AUTS2: variants seen among roughly 807,000 people sequenced by gnomAD.
AUTS2 encodes activator of transcription and developmental regulator AUTS2, also known as autism susceptibility gene 2 protein.
AUTS2 carries 17 observed loss-of-function variants against 112.4 expected under a neutral mutation model. The observed-to-expected ratio is 0.15, with a 90% CI of 0.10 to 0.23. The LOEUF is 0.23. AUTS2 is among the 10% of genes least tolerant of loss of function. The probability of loss-of-function intolerance (pLI) is 1.00; values close to 1 mark genes in which losing one functional copy is unlikely to be tolerated. For synonymous variants in AUTS2, 751 were observed against 702.7 expected, an observed-to-expected ratio of 1.07 and a Z score of -1.09; for missense variants, 1,510 against 1,701.6, an observed-to-expected ratio of 0.89 and a Z score of 1.98.
chr7:70,476,666 A>G (rs1797596148), intron 5 of AUTS2, among the ~76,000 whole-genome samples: 1 of 152,238 alleles, frequency 6.6e-6, no homozygotes, highest in Non-Finnish European at 1.5e-5. Context: ...CTTTAGTAAC[A>G]AACAGGGGTT....
At chr7:69,622,298 G>C (rs1159391074) in intron 1 of AUTS2, among the ~76,000 whole-genome samples, 4 of 152,130 alleles carry the variant, frequency 2.6e-5, no homozygotes, top group Non-Finnish European at 5.9e-5. Context: ...ATGCCTGAGA[G>C]CAAAATTCAG....
At chr7:70,517,053 G>A (rs1347666662) in intron 5 of AUTS2, among the ~76,000 whole-genome samples, 3 of 152,154 alleles carry the variant, frequency 2.0e-5, no homozygotes, top group Admixed American at 2.0e-4. Context: ...GTAGTAAGAA[G>A]TAGAGATATG....
intron 2 of AUTS2, among the ~76,000 whole-genome samples, chr7:69,967,285 G>A (rs1248738690): frequency 1.3e-5 from 2 of 150,708 alleles, no homozygotes; most frequent in African/African-American, 4.9e-5. Flanking sequence ...TGGGAGTAGG[G>A]GTCAGAGGAG....
intron 2 of AUTS2, among the ~76,000 whole-genome samples, chr7:70,095,697 T>G (rs764046448): frequency 2.6e-5 from 4 of 152,210 alleles, no homozygotes; most frequent in Non-Finnish European, 5.9e-5. Flanking sequence ...CTTAAAATTT[T>G]TATATTGCCT....
At chr7:69,955,389 C>T (rs1797173829) in intron 2 of AUTS2, among the ~76,000 whole-genome samples, 1 of 152,170 alleles carries the variant, frequency 6.6e-6, no homozygotes, top group Admixed American at 6.5e-5. Context: ...TTCTCTACTT[C>T]TCCAGTTTAA....
intron 1 of AUTS2, among the ~76,000 whole-genome samples, chr7:69,636,020 C>T (rs960182536): frequency 2.6e-5 from 4 of 152,200 alleles, no homozygotes; most frequent in African/African-American, 9.7e-5. Context: ...GACAGCCAAA[C>T]AATTTGCATT....
At chr7:70,698,368 T>A (rs1037004842) in intron 5 of AUTS2, among the ~76,000 whole-genome samples, 1 of 150,494 alleles carries the variant, frequency 6.6e-6, no homozygotes, top group Non-Finnish European at 1.5e-5. Context: ...TCAGATTTTT[T>A]TCCCCCCAGC....
At chr7:69,999,773 A>G (rs1799104173) in intron 2 of AUTS2, among the ~76,000 whole-genome samples, 1 of 152,200 alleles carries the variant, frequency 6.6e-6, no homozygotes, top group Non-Finnish European at 1.5e-5. Context: ...AAGAACGAAA[A>G]AAAGAAAAGA....
intron 5 of AUTS2, chr7:70,693,968 G>C (rs1295933403): frequency 6.6e-6 from 1 of 151,918 alleles, no homozygotes; most frequent in Non-Finnish European, 1.5e-5. Flanking sequence ...GGGGCGGCGA[G>C]GGGCGGGGCG....
intron 1 of AUTS2, among the ~76,000 whole-genome samples, chr7:69,876,349 A>AATATAT (rs61416382): frequency 0.026 from 776 of 29,470 alleles, 28 homozygotes; most frequent in East Asian, 0.067. Context: ...AAAAAAAAAA[A>AATATAT]ATATATATAT....
At chr7:70,637,632 T>C (rs1393343137) in intron 5 of AUTS2, among the ~76,000 whole-genome samples, 2 of 152,002 alleles carry the variant, frequency 1.3e-5, no homozygotes, top group African/African-American at 4.8e-5. Flanking sequence ...CCTCAGGAGG[T>C]AGGAAGAGGT....
intron 4 of AUTS2, among the ~76,000 whole-genome samples, chr7:70,359,998 T>G (rs1792187106): frequency 6.6e-6 from 1 of 152,258 alleles, no homozygotes; most frequent in Non-Finnish European, 1.5e-5. Context: ...TTGATCTTCC[T>G]TTAAAAAGAT....
chr7:70,495,385 A>G (rs1359589691), intron 5 of AUTS2, among the ~76,000 whole-genome samples: 1 of 151,998 alleles, frequency 6.6e-6, no homozygotes, highest in East Asian at 1.9e-4. Context: ...TTGGTCAACC[A>G]CTGCAAGTAT....
intron 2 of AUTS2, among the ~76,000 whole-genome samples, chr7:70,063,486 G>A (rs191484911): frequency 3.8e-4 from 58 of 152,250 alleles, no homozygotes; most frequent in Non-Finnish European, 6.8e-4. Context: ...TCATGGGCGA[G>A]TTATTTAACT....
intron 4 of AUTS2, among the ~76,000 whole-genome samples, chr7:70,305,189 T>A (rs1200239158): frequency 6.6e-6 from 1 of 152,170 alleles, no homozygotes; most frequent in Non-Finnish European, 1.5e-5. Flanking sequence ...TAATGGTGTA[T>A]CTCAGTGGTT....
chr7:69,834,234 C>A (rs1248537220), intron 1 of AUTS2, among the ~76,000 whole-genome samples: 6 of 152,136 alleles, frequency 3.9e-5, no homozygotes, highest in Non-Finnish European at 7.4e-5. Flanking sequence ...CAGACTGTTA[C>A]CCTAGTGCGT....
At chr7:70,567,347 A>C (rs1217598980) in intron 5 of AUTS2, among the ~76,000 whole-genome samples, 3 of 152,188 alleles carry the variant, frequency 2.0e-5, no homozygotes, top group African/African-American at 4.8e-5. Context: ...AGAGTACTGC[A>C]TCCATTCCAT....
chr7:70,458,118 AG>A (rs1796818237), intron 5 of AUTS2, among the ~76,000 whole-genome samples: 1 of 152,108 alleles, frequency 6.6e-6, no homozygotes, highest in South Asian at 2.1e-4. Context: ...TGTCTGCCTC[AG>A]GCCACCCCTC....
At chr7:70,146,951 G>A (rs1807156513) in intron 4 of AUTS2, among the ~76,000 whole-genome samples, 1 of 152,114 alleles carries the variant, frequency 6.6e-6, no homozygotes, top group Non-Finnish European at 1.5e-5. Context: ...TTTAAAATAT[G>A]CATGTGTACA....
Sources: allele counts gnomAD v4.1 joint callset (sites outside exome capture counted in the v4.1 genomes callset), GRCh38; gene constraint gnomAD v4.1.1; transcripts MANE v1.5; gene names NCBI Gene and HGNC (gene_info 2026-07-23, HGNC 2026-07-21).